LRFN2: variants seen among roughly 807,000 people sequenced by gnomAD.
LRFN2 encodes the protein leucine-rich repeat and fibronectin type-III domain-containing protein 2.
LRFN2 carries 18 observed loss-of-function variants against 37.3 expected under a neutral mutation model. That is an observed-to-expected ratio of 0.48 (90% CI 0.33 to 0.72). The LOEUF (loss-of-function observed/expected upper bound fraction) is 0.72, where lower values mean the gene tolerates loss of function less well. LRFN2 is among the 30% of genes least tolerant of loss of function. The pLI, the probability that LRFN2 is intolerant of heterozygous loss-of-function variation, is 0.02. For missense variants in LRFN2, 1,006 were observed against 1,060.7 expected (o/e 0.95, Z 0.72); for synonymous variants, 556 against 466.6 (o/e 1.19, Z -2.47).
Position 40,432,933 on chromosome 6 carries a change from C to T in LRFN2, c.181G>A (p.Gly61Ser), listed in dbSNP as rs1326906123. The stretch of plus-strand genomic sequence containing the variant: ...CGGCTGATGTGGATGATGAAGTTGC[C>T]GCCCAGGCGCAGCTCCACTGTCCGC... ...DRRTVELRLG[G>S]NFIIHISRQD... is the part of the protein sequence containing the mutation. The change falls in exon 2 of 3, where the codon GGC becomes AGC. Residue 61 changes from glycine (G) to serine (S), a missense_variant. Around this residue, in one of 4 missense-constraint regions of LRFN2, gnomAD observed 185 missense variants for 254.9 expected, o/e 0.73. Transcript: ENST00000338305. 21 of 1,613,934 alleles carry T rather than the reference C, an allele frequency of 1.3e-5. No individual in the cohort carries two copies. The highest frequency in any genetic ancestry group is 1.8e-5 in the Non-Finnish European group (21 of 1,179,846).
At chr6:40,416,315 G>A (rs1314124809) in intron 2 of LRFN2, among the ~76,000 whole-genome samples, 1 of 151,848 alleles carries the variant, frequency 6.6e-6, no homozygotes, top group East Asian at 1.9e-4. Context: ...GGCCAATGAG[G>A]TGTAACATTT....
intron 1 of LRFN2, among the ~76,000 whole-genome samples, chr6:40,464,564 A>T (rs1764416061): frequency 6.6e-6 from 1 of 152,196 alleles, no homozygotes; most frequent in Non-Finnish European, 1.5e-5. Context: ...TCTGTTCCTT[A>T]TAAATTATCC....
rs573791107 is a variant in LRFN2, at chr6:40,435,442, G to A, written c.-18-2311C>T. Among the ~76,000 whole-genome samples the A allele has an allele frequency of 4.3e-3, 652 of 152,236 alleles. 8 individuals are homozygous for A. The highest frequency in any genetic ancestry group is 0.014 in the Middle Eastern group (4 of 294). The stretch of plus-strand genomic sequence containing the variant: ...CCCCAAATGTTGGATTTACAGGCAT[G>A]AGCCACCTCGCCTGGCCAATATCTT... On this transcript the variant is annotated intron_variant, in intron 1 of 2. Transcript: ENST00000338305.
At position 40,427,862 on chromosome 6, in the gene LRFN2, A is replaced by C. The variant is rs563676077; in HGVS notation, c.1400+3852T>G. On this transcript the variant is annotated intron_variant, in intron 2 of 2. Coordinates refer to ENST00000338305, the MANE Select transcript of LRFN2 (RefSeq NM_020737.3). ...GCTCCTTTAGTCCTTACTCACCTAC[A>C]TGGGGCCCATCAGAGCCTGGTGACC... 4.7e-4 allele frequency among the ~76,000 whole-genome samples: 71 copies of C among 152,220 alleles called. 1 individual carries two copies. The highest frequency in any genetic ancestry group is 1.7e-3 in the African/African-American group (71 of 41,536).
chr6:40,394,879 C>G (rs1264887309), intron 2 of LRFN2, among the ~76,000 whole-genome samples: 3 of 151,938 alleles, frequency 2.0e-5, no homozygotes, highest in Non-Finnish European at 4.4e-5. Context: ...TGAGATGTGC[C>G]TTTCACCTTT....
chr6:40,441,934 G>C (rs1401939734), intron 1 of LRFN2, among the ~76,000 whole-genome samples: 1 of 152,192 alleles, frequency 6.6e-6, no homozygotes, highest in Non-Finnish European at 1.5e-5. Flanking sequence ...TCACCCAGAG[G>C]GTGAAGGTGG....
chr6:40,441,619 T>A (rs1180569551), intron 1 of LRFN2, among the ~76,000 whole-genome samples: 5 of 152,190 alleles, frequency 3.3e-5, no homozygotes, highest in Non-Finnish European at 7.3e-5. Context: ...TTGCCTGTGA[T>A]CTGTCCCTGC....
At position 40,510,072 on chromosome 6, in the gene LRFN2, G is replaced by T. The variant is rs544598706; in HGVS notation, c.-19+76869C>A. ...AGGTAGGAGAGCTGAGTGCATGCATGTGGGTATGCCACGGAACACTGGGTT... is the reference window on the plus strand; with the variant it reads ...AGGTAGGAGAGCTGAGTGCATGCATTTGGGTATGCCACGGAACACTGGGTT... On this transcript the variant is annotated intron_variant, in intron 1 of 2. Coordinates refer to ENST00000338305, the MANE Select transcript of LRFN2 (RefSeq NM_020737.3). 3.8e-4 allele frequency among the ~76,000 whole-genome samples: 58 copies of T among 151,788 alleles called. 1 individual carries two copies. Among genetic ancestry groups the T allele is most frequent in the Non-Finnish European group, 3.2e-4 (22 of 67,910 alleles).
At chr6:40,419,314 C>T (rs1456839981) in intron 2 of LRFN2, among the ~76,000 whole-genome samples, 1 of 152,184 alleles carries the variant, frequency 6.6e-6, no homozygotes, top group Non-Finnish European at 1.5e-5. Flanking sequence ...AGGTGTGATA[C>T]CAACAGAAGC....
chr6:40,521,288 G>C (rs1766061690), intron 1 of LRFN2, among the ~76,000 whole-genome samples: 1 of 152,178 alleles, frequency 6.6e-6, no homozygotes, highest in African/African-American at 2.4e-5. Flanking sequence ...GGATTGGAGT[G>C]GGGAGAGGTT....
At chr6:40,520,277 A>G in intron 1 of LRFN2, among the ~76,000 whole-genome samples, 1 of 151,912 alleles carries the variant, frequency 6.6e-6, no homozygotes. Context: ...GGGGTGGAGG[A>G]GTGCAGAGGG....
intron 2 of LRFN2, among the ~76,000 whole-genome samples, chr6:40,423,275 C>T (rs1474475896): frequency 2.0e-5 from 3 of 152,216 alleles, no homozygotes; most frequent in African/African-American, 7.2e-5. Flanking sequence ...CATCAGATCA[C>T]TTTCCAAGTT....
At chr6:40,537,044 G>A (rs1766462005) in intron 1 of LRFN2, among the ~76,000 whole-genome samples, 1 of 152,210 alleles carries the variant, frequency 6.6e-6, no homozygotes, top group Admixed American at 6.5e-5. Context: ...GACATACCCT[G>A]CCAAAGGTTA....
intron 1 of LRFN2, among the ~76,000 whole-genome samples, chr6:40,549,701 A>G (rs1274891676): frequency 6.6e-6 from 1 of 151,520 alleles, no homozygotes; most frequent in East Asian, 1.9e-4. Context: ...GATTGGGCTC[A>G]CCAGGAAGTG....
intron 1 of LRFN2, among the ~76,000 whole-genome samples, chr6:40,458,752 T>G (rs1195089855): frequency 6.6e-6 from 1 of 152,194 alleles, no homozygotes; most frequent in Non-Finnish European, 1.5e-5. Context: ...CTGTTCTTCT[T>G]GGCTTCTCTT....
At chr6:40,447,927 A>AG (rs1561860006) in intron 1 of LRFN2, among the ~76,000 whole-genome samples, 1 of 152,222 alleles carries the variant, frequency 6.6e-6, no homozygotes, top group Non-Finnish European at 1.5e-5. Flanking sequence ...AATGTACACA[A>AG]GGCTCTATCC....
chr6:40,493,530 CAG>C (rs929776947), intron 1 of LRFN2, among the ~76,000 whole-genome samples: 6 of 152,300 alleles, frequency 3.9e-5, no homozygotes, highest in Admixed American at 3.3e-4. Context: ...CTCGCCCATA[CAG>C]AGTCTGTCTA....
chr6:40,398,911 G>C (rs1453872041), intron 2 of LRFN2, among the ~76,000 whole-genome samples: 2 of 151,870 alleles, frequency 1.3e-5, no homozygotes, highest in Non-Finnish European at 2.9e-5. Context: ...GGCACATACT[G>C]TTATTCTACT....
chr6:40,520,883 C>G (rs1181907626), intron 1 of LRFN2, among the ~76,000 whole-genome samples: 2 of 152,024 alleles, frequency 1.3e-5, no homozygotes, highest in African/African-American at 4.8e-5. Context: ...GGGCCGCGCC[C>G]AGCAGCCAGG....
Sources: gnomAD v4.1 joint callset for allele counts (sites outside exome capture counted in the v4.1 genomes callset) on GRCh38, gnomAD v4.1.1 for gene constraint, gnomAD v4.1.1 regional missense constraint, MANE v1.5 for transcripts, NCBI Gene and HGNC (gene_info 2026-07-23, HGNC 2026-07-21) for gene names.